Variants in TENM4 observed in about 807,000 individuals in gnomAD.
The protein encoded by TENM4 is teneurin-4.
TENM4 carries 82 observed loss-of-function variants against 243.3 expected under a neutral mutation model. The observed-to-expected ratio is 0.34, with a 90% CI of 0.28 to 0.40. The LOEUF (loss-of-function observed/expected upper bound fraction) is 0.40, where lower values mean the gene tolerates loss of function less well. TENM4 is among the 10% of genes least tolerant of loss of function. TENM4 has a pLI of 1.00. For missense variants in TENM4, 3,138 were observed against 3,673.3 expected, an observed-to-expected ratio of 0.85 and a Z score of 3.77; for synonymous variants, 1,412 against 1,456.3, an observed-to-expected ratio of 0.97 and a Z score of 0.69.
At chr11:79,339,639 G>C (rs1857209757) in intron 1 of TENM4, among the ~76,000 whole-genome samples, 1 of 152,056 alleles carries the variant, frequency 6.6e-6, no homozygotes, top group Non-Finnish European at 1.5e-5. Flanking sequence ...GTAACCTGCT[G>C]GGTCCCATGG....
At position 78,960,148 on chromosome 11, in the gene TENM4, C is replaced by A. The variant is rs1206923750; in HGVS notation, c.494-56625G>T. ...CTGGGTCTGGAACCAGGTCTCCTTGCTCCCAGCCCAGGGTTCCTGTGTTTC... is the reference window on the plus strand; with the variant it reads ...CTGGGTCTGGAACCAGGTCTCCTTGATCCCAGCCCAGGGTTCCTGTGTTTC... On this transcript the variant is annotated intron_variant, in intron 6 of 33. Transcript: ENST00000278550. Among the ~76,000 whole-genome samples, 4 of 152,174 alleles carry A rather than the reference C, an allele frequency of 2.6e-5. No individual in the cohort carries two copies. In the East Asian group the frequency reaches 7.8e-4, roughly 30 times the overall value.
chr11:79,274,027 A>G (rs373799477), intron 2 of TENM4, among the ~76,000 whole-genome samples: 6 of 152,288 alleles, frequency 3.9e-5, no homozygotes, highest in East Asian at 3.9e-4. Context: ...GCACTCCTCC[A>G]CGGCACCCCA....
chr11:79,111,524 A>G (rs995507814), intron 4 of TENM4, among the ~76,000 whole-genome samples: 6 of 152,174 alleles, frequency 3.9e-5, no homozygotes, highest in Non-Finnish European at 5.9e-5. Flanking sequence ...CAGTCTGGGC[A>G]ACAGAGCTAG....
At chr11:79,433,685 C>T (rs1859213273) in intron 1 of TENM4, among the ~76,000 whole-genome samples, 1 of 152,206 alleles carries the variant, frequency 6.6e-6, no homozygotes, top group African/African-American at 2.4e-5. Flanking sequence ...GCAGAACACA[C>T]AGGGAAAGGG....
At chr11:79,288,642 C>T (rs1856300007) in intron 2 of TENM4, among the ~76,000 whole-genome samples, 1 of 152,164 alleles carries the variant, frequency 6.6e-6, no homozygotes, top group Non-Finnish European at 1.5e-5. Context: ...ATGATAACAC[C>T]CGGCTCCGTC....
intron 1 of TENM4, among the ~76,000 whole-genome samples, chr11:79,370,548 A>AG (rs1857761280): frequency 6.6e-6 from 1 of 152,140 alleles, no homozygotes; most frequent in African/African-American, 2.4e-5. Context: ...TTGGCTTATG[A>AG]GGTCCTCTGA....
At chr11:79,034,893 T>C (rs1859336840) in intron 6 of TENM4, among the ~76,000 whole-genome samples, 1 of 152,158 alleles carries the variant, frequency 6.6e-6, no homozygotes, top group African/African-American at 2.4e-5. Flanking sequence ...GAACCTCTGC[T>C]CAAAACTGGC....
At chr11:79,346,754 A>C (rs751032422) in intron 1 of TENM4, among the ~76,000 whole-genome samples, 3 of 152,166 alleles carry the variant, frequency 2.0e-5, no homozygotes, top group Non-Finnish European at 4.4e-5. Context: ...AGCCCTGACA[A>C]TCACACTTTC....
intron 6 of TENM4, among the ~76,000 whole-genome samples, chr11:78,969,849 C>T (rs932265876): frequency 2.0e-5 from 3 of 152,192 alleles, no homozygotes; most frequent in Admixed American, 1.3e-4. Context: ...CTTAGCCCAA[C>T]ACACAGCCAT....
Position 78,656,153 on chromosome 11 carries a change from T to A in TENM4, c.*1905A>T, listed in dbSNP as rs911390345. 6.6e-6 allele frequency: 1 copy of A among 152,274 alleles called. No individual in the cohort carries two copies. Among genetic ancestry groups the A allele is most frequent in the African/African-American group, 2.4e-5 (1 of 41,466 alleles). 9.4% of individuals were successfully genotyped at this position (152,274 alleles called of 1,614,324 possible). On this transcript the variant is annotated 3_prime_UTR_variant, in exon 34 of 34. Transcript: ENST00000278550. ...GCCAGGCAGAACCCAGACTACATGC[T>A]GCTCCGATCCTCATGCAGTCAGACC...
rs574662129 is a variant in TENM4, at chr11:79,308,102, A to T, written c.-320-10559T>A. ...GGCTCAGGCTGGGTGGAGAGGCCGG[A>T]GGCAGAGCTTGGCACTGAATGAGGA... is the stretch of plus-strand genomic sequence containing the variant. On this transcript the variant is annotated intron_variant, in intron 1 of 33. Coordinates refer to ENST00000278550, the MANE Select transcript of TENM4 (RefSeq NM_001098816.3). Among the ~76,000 whole-genome samples, 4 of 152,354 alleles carry T rather than the reference A, an allele frequency of 2.6e-5. 1 individual carries two copies. In the South Asian group the frequency reaches 8.3e-4, roughly 32 times the overall value.
At chr11:78,779,256 C>G (rs573347023) in intron 16 of TENM4, among the ~76,000 whole-genome samples, 5 of 152,178 alleles carry the variant, frequency 3.3e-5, no homozygotes, top group African/African-American at 1.2e-4. Flanking sequence ...AAATGCTTAG[C>G]GTTCTAAGTA....
intron 2 of TENM4, among the ~76,000 whole-genome samples, chr11:79,293,177 T>C (rs1415531406): frequency 5.3e-5 from 8 of 152,214 alleles, no homozygotes; most frequent in Non-Finnish European, 2.9e-5. Context: ...AGTCTAAATA[T>C]GTGAGTTCAA....
At chr11:78,749,385 G>T (rs1481689946) in intron 19 of TENM4, 1 of 149,834 alleles carries the variant, frequency 6.7e-6, no homozygotes, top group African/African-American at 2.5e-5. Context: ...AACTGATGGG[G>T]TACCCTGTCA....
intron 1 of TENM4, among the ~76,000 whole-genome samples, chr11:79,429,303 A>G (rs1436657433): frequency 6.6e-6 from 1 of 151,526 alleles, no homozygotes; most frequent in African/African-American, 2.4e-5. Flanking sequence ...CTCCTATAGA[A>G]CCTCCCTCTA....
chr11:79,405,847 C>CAA (rs763128589), intron 1 of TENM4, among the ~76,000 whole-genome samples: 217 of 69,154 alleles, frequency 3.1e-3, no homozygotes, highest in East Asian at 7.3e-3. Flanking sequence ...ATTGTGATTT[C>CAA]AAAAAAAAAA....
At position 79,357,510 on chromosome 11, in the gene TENM4, A is replaced by G. The variant is rs140242496; in HGVS notation, c.-320-59967T>C. 7.9e-5 allele frequency among the ~76,000 whole-genome samples: 12 copies of G among 152,252 alleles called. No individual in the cohort carries two copies. The East Asian group carries it at 1.7e-3, about 22-fold the overall frequency. On this transcript the variant is annotated intron_variant, in intron 1 of 33. Coordinates refer to ENST00000278550, the MANE Select transcript of TENM4 (RefSeq NM_001098816.3). Reference sequence around the variant, plus strand: ...CCACCTAGCATTCTGCCTTAATCCAACTATGATGATGTGGGGTTTTGCAAA... The same window carrying G: ...CCACCTAGCATTCTGCCTTAATCCAGCTATGATGATGTGGGGTTTTGCAAA...
At chr11:78,789,856 C>T (rs764916471) in intron 15 of TENM4, among the ~76,000 whole-genome samples, 2 of 152,170 alleles carry the variant, frequency 1.3e-5, no homozygotes, top group Non-Finnish European at 2.9e-5. Context: ...ACAGTACGGA[C>T]AAAAGACAGT....
At chr11:78,732,843 C>T (rs984589772) in intron 20 of TENM4, among the ~76,000 whole-genome samples, 2 of 152,148 alleles carry the variant, frequency 1.3e-5, no homozygotes, top group Non-Finnish European at 1.5e-5. Flanking sequence ...TTTCAGGATA[C>T]ACAAGAGCTG....
Sources: gnomAD v4.1 joint callset for allele counts (sites outside exome capture counted in the v4.1 genomes callset) on GRCh38, gnomAD v4.1.1 for gene constraint, MANE v1.5 for transcripts, NCBI Gene and HGNC (gene_info 2026-07-23, HGNC 2026-07-21) for gene names.